Variants in RAPGEF2 observed in about 807,000 individuals in gnomAD.
RAPGEF2 encodes PDZ domain containing guanine nucleotide exchange factor (GEF) 1.
A neutral mutation model predicts 186.7 loss-of-function variants in RAPGEF2; 54 were observed. The observed-to-expected ratio is 0.29, with a 90% CI of 0.23 to 0.36. RAPGEF2 has a LOEUF of 0.36. RAPGEF2 is among the 10% of genes least tolerant of loss of function. The probability of loss-of-function intolerance (pLI) is 1.00; values close to 1 mark genes in which losing one functional copy is unlikely to be tolerated. For missense variants in RAPGEF2, 1,532 were observed against 2,045.0 expected (o/e 0.75, Z 4.84); for synonymous variants, 712 against 705.9 (o/e 1.01, Z -0.14).
chr4:159,259,760 A>C (rs952865390), intron 7 of RAPGEF2, among the ~76,000 whole-genome samples: 2 of 152,172 alleles, frequency 1.3e-5, no homozygotes, highest in Non-Finnish European at 2.9e-5. Context: ...GTGTACCAGA[A>C]AATGTTGGAA....
At chr4:159,118,649 G>A (rs536037330) in intron 1 of RAPGEF2, among the ~76,000 whole-genome samples, 2 of 152,070 alleles carry the variant, frequency 1.3e-5, no homozygotes, top group Admixed American at 1.3e-4. Context: ...GCAATGGTGC[G>A]ATCTCAGCTC....
chr4:159,150,100 TTTG>T (rs1268981269), intron 1 of RAPGEF2, among the ~76,000 whole-genome samples: 1 of 139,930 alleles, frequency 7.1e-6, no homozygotes, highest in Non-Finnish European at 1.5e-5. Flanking sequence ...ATCAATTAAT[TTTG>T]TTATTTGTGG....
intron 7 of RAPGEF2, chr4:159,267,792 T>A (rs1217673710): frequency 1.2e-5 from 2 of 170,228 alleles, no homozygotes; most frequent in Non-Finnish European, 9.7e-6. Context: ...AGCTTTTTTC[T>A]TTTTTTTTTT....
chr4:159,349,220 G>T (rs1730830069), intron 25 of RAPGEF2, among the ~76,000 whole-genome samples: 2 of 152,124 alleles, frequency 1.3e-5, no homozygotes, highest in South Asian at 4.1e-4. Flanking sequence ...AACAATATCA[G>T]ACTGCTTACA....
chr4:159,182,794 G>C (rs4691545), intron 1 of RAPGEF2, among the ~76,000 whole-genome samples: 152,241 of 152,332 alleles, frequency 1, 76,075 homozygotes, highest in Middle Eastern at 1. Flanking sequence ...ACACACAGTT[G>C]TAATTGTTCA....
intron 7 of RAPGEF2, among the ~76,000 whole-genome samples, chr4:159,274,676 A>G (rs1328604171): frequency 2.0e-5 from 3 of 152,194 alleles, no homozygotes; most frequent in African/African-American, 4.8e-5. Context: ...ATTTCCATAT[A>G]GTATTAAGAT....
chr4:159,213,895 T>G (rs1750756738), intron 4 of RAPGEF2, among the ~76,000 whole-genome samples: 1 of 152,220 alleles, frequency 6.6e-6, no homozygotes, highest in South Asian at 2.1e-4. Context: ...ACTAGAAATT[T>G]GTCAAGTTTT....
chr4:159,299,403 C>G (rs1431628086), intron 7 of RAPGEF2, among the ~76,000 whole-genome samples: 1 of 149,392 alleles, frequency 6.7e-6, no homozygotes, highest in Non-Finnish European at 1.5e-5. Flanking sequence ...TGATATGTAT[C>G]TTGGACCATG....
intron 4 of RAPGEF2, among the ~76,000 whole-genome samples, chr4:159,217,158 G>A (rs978414773): frequency 1.3e-5 from 2 of 152,048 alleles, no homozygotes; most frequent in African/African-American, 4.8e-5. Context: ...TTTCAAGTGG[G>A]ATTATTTATT....
intron 7 of RAPGEF2, among the ~76,000 whole-genome samples, chr4:159,293,674 A>G (rs936497657): frequency 2.0e-5 from 3 of 152,204 alleles, no homozygotes; most frequent in African/African-American, 7.2e-5. Flanking sequence ...AACAAAATAT[A>G]ATGGTTCAAA....
intron 9 of RAPGEF2, among the ~76,000 whole-genome samples, chr4:159,315,635 G>A (rs1360358277): frequency 6.6e-6 from 1 of 152,200 alleles, no homozygotes; most frequent in African/African-American, 2.4e-5. Flanking sequence ...GATAAGGAGT[G>A]TGAGTCATCT....
At chr4:159,285,516 T>C (rs933449595) in intron 7 of RAPGEF2, among the ~76,000 whole-genome samples, 9 of 152,238 alleles carry the variant, frequency 5.9e-5, no homozygotes, top group African/African-American at 1.9e-4. Context: ...CTTGAACTTT[T>C]ATTAGGTTTC....
At chr4:159,172,650 A>G (rs183635118) in intron 1 of RAPGEF2, among the ~76,000 whole-genome samples, 2 of 152,302 alleles carry the variant, frequency 1.3e-5, no homozygotes, top group African/African-American at 4.8e-5. Flanking sequence ...TAATGCACGC[A>G]TGCTACTTCC....
chr4:159,343,292 A>G lies in RAPGEF2; in HGVS notation c.3142A>G (p.Lys1048Glu). 2 of 1,614,082 alleles carry G rather than the reference A, an allele frequency of 1.2e-6. 1 individual carries two copies. Among genetic ancestry groups the G allele is most frequent in the South Asian group, 2.2e-5 (2 of 91,080 alleles). Residue 1048 changes from lysine (K) to glutamate (E), a missense_variant, in exon 22 of 30, where the codon AAA becomes GAA. Physicochemically the swap from Lys to Glu is moderately conservative, Grantham distance 56. Around this residue, in one of 4 missense-constraint regions of RAPGEF2, gnomAD observed 117 missense variants for 180.8 expected, o/e 0.65. Coordinates refer to ENST00000691494, the MANE Select transcript of RAPGEF2 (RefSeq NM_001394067.2). ...TCTGTCAATTTCAGGAAATGACTCA[A>G]AAGTAGACGGGCTGGTCAATTTTGA... ...LTFLHEGNDS[K>E]VDGLVNFEKL...
chr4:159,350,042 A>G, intron 25 of RAPGEF2, 95 bp from the exon 26 acceptor site: 2 of 774,064 alleles, frequency 2.6e-6, no homozygotes, highest in Non-Finnish European at 2.0e-6. Context: ...GTGTAATGAT[A>G]TTAAATCTTA....
intron 3 of RAPGEF2, 112 bp from the exon 4 acceptor site, chr4:159,210,388 A>G (rs1293910859): frequency 1.5e-5 from 10 of 645,272 alleles, no homozygotes; most frequent in Non-Finnish European, 2.4e-5. Flanking sequence ...GTTGTATGCT[A>G]TTCTTTATTA....
chr4:159,128,241 T>G (rs1740592726), intron 1 of RAPGEF2, among the ~76,000 whole-genome samples: 1 of 152,142 alleles, frequency 6.6e-6, no homozygotes. Context: ...GGGGCCTAAT[T>G]CTACTGAGGA....
At chr4:159,337,783 A>C (rs6849170) in intron 17 of RAPGEF2, among the ~76,000 whole-genome samples, 6 of 150,080 alleles carry the variant, frequency 4.0e-5, no homozygotes, top group African/African-American at 1.5e-4. Flanking sequence ...CCAGCTACTC[A>C]GGAGGCTGAG....
At position 159,166,729 on chromosome 4, in the gene RAPGEF2, T is replaced by C. The variant is rs965133363; in HGVS notation, c.70-19913T>C. ...TTACTCAGGTATTTCATATATACAT[T>C]AAAAAAACCGACAATAAAAATGAAC... is the stretch of plus-strand genomic sequence containing the variant. On this transcript the variant is annotated intron_variant, in intron 1 of 29. Transcript: ENST00000691494. Among the ~76,000 whole-genome samples, 4 of 152,244 alleles carry C rather than the reference T, an allele frequency of 2.6e-5. No homozygotes were observed. The South Asian group carries it at 8.3e-4, about 32-fold the overall frequency.
Sources: gnomAD v4.1 joint callset for allele counts (sites outside exome capture counted in the v4.1 genomes callset) on GRCh38, gnomAD v4.1.1 for gene constraint, gnomAD v4.1.1 regional missense constraint, MANE v1.5 for transcripts, NCBI Gene and HGNC (gene_info 2026-07-23, HGNC 2026-07-21) for gene names.